The following TMPRSS9 variants were observed in gnomAD, a reference collection of about 807,000 sequenced individuals.
The protein encoded by TMPRSS9 is transmembrane serine protease 9, also known as transmembrane protease serine 9.
In TMPRSS9, 113 loss-of-function variants were observed where a neutral mutation model predicts 111.4. The observed-to-expected ratio is 1.01, with a 90% CI of 0.87 to 1.19. The LOEUF (loss-of-function observed/expected upper bound fraction) is 1.19, where lower values mean the gene tolerates loss of function less well. TMPRSS9 is among the 50% of genes most tolerant of loss of function. The pLI is 0.00. For missense variants in TMPRSS9, 1,803 were observed against 1,513.1 expected (o/e 1.19, Z -3.18); for synonymous variants, 805 against 659.1 (o/e 1.22, Z -3.39).
At chr19:2,414,716 A>C (rs1971182647) in intron 10 of TMPRSS9, among the ~76,000 whole-genome samples, 1 of 151,014 alleles carries the variant, frequency 6.6e-6, no homozygotes, top group South Asian at 2.1e-4. Context: ...CTATACTAAA[A>C]ATTAGCTGGG....
intron 10 of TMPRSS9, 97 bp from the exon 12 acceptor site, chr19:2,415,573 G>T: frequency 8.3e-7 from 1 of 1,199,198 alleles, no homozygotes; most frequent in Non-Finnish European, 1.1e-6. Flanking sequence ...GGCATCTTCA[G>T]GGCCTGGCTG....
At chr19:2,412,970 G>A (rs1035823783) in intron 9 of TMPRSS9, among the ~76,000 whole-genome samples, 2 of 152,106 alleles carry the variant, frequency 1.3e-5, no homozygotes, top group African/African-American at 2.4e-5. Flanking sequence ...GAGGTGGGCA[G>A]ATCACTTAAG....
chr19:2,425,308 G>A (rs1274144516), intron 16 of TMPRSS9, 41 bp downstream of exon 17: 73 of 1,228,546 alleles, frequency 5.9e-5, no homozygotes, highest in South Asian at 1.9e-4. Flanking sequence ...GGCTCGGGGG[G>A]CGGCCGGACG....
rs1970602984 is a variant in TMPRSS9, at chr19:2,391,745, T to TTC, written c.142+1819_142+1820insCT. ...CCCCTGAAAGGAAAGGAAGTCTTTT[T>TTC]TTTTTTTTTTGAGATGGAGTCTCAC... On this transcript the variant is annotated intron_variant, in intron 1 of 17. Transcript: ENST00000648592. Among the ~76,000 whole-genome samples, 8 of 150,608 alleles carry TTC rather than the reference T, an allele frequency of 5.3e-5. No homozygotes were observed. In the South Asian group the frequency reaches 1.7e-3, roughly 32 times the overall value.
chr19:2,407,422 G>A (rs1388602150), intron 7 of TMPRSS9, among the ~76,000 whole-genome samples: 3 of 151,584 alleles, frequency 2.0e-5, no homozygotes, highest in African/African-American at 7.3e-5. Flanking sequence ...AGTTACTTGG[G>A]AGGCTGAGGC....
intron 1 of TMPRSS9, among the ~76,000 whole-genome samples, chr19:2,370,911 G>A (rs1328126768): frequency 6.6e-6 from 1 of 151,972 alleles, no homozygotes; most frequent in East Asian, 1.9e-4. Context: ...GCAGTGAGCC[G>A]AGATCATAAC....
At chr19:2,400,769 T>C (rs897782871) in intron 4 of TMPRSS9, among the ~76,000 whole-genome samples, 2 of 140,144 alleles carry the variant, frequency 1.4e-5, no homozygotes, top group South Asian at 4.6e-4. Context: ...AGGTCAGGAG[T>C]TTGAGACCAG....
chr19:2,403,021 G>A (rs767253594), intron 5 of TMPRSS9, 61 bp from the exon 7 acceptor site: 8 of 1,235,932 alleles, frequency 6.5e-6, no homozygotes, highest in Non-Finnish European at 9.4e-6. Flanking sequence ...ATAGCATGGT[G>A]CCTTACTCCA....
At chr19:2,416,246 A>G (rs919211065) in intron 11 of TMPRSS9, 18 of 471,636 alleles carry the variant, frequency 3.8e-5, no homozygotes, top group Non-Finnish European at 6.0e-5. Flanking sequence ...TCAACAAAAA[A>G]GAGACTCATA....
At chr19:2,395,630 G>A (rs1970689688) in intron 1 of TMPRSS9, among the ~76,000 whole-genome samples, 1 of 152,032 alleles carries the variant, frequency 6.6e-6, no homozygotes, top group African/African-American at 2.4e-5. Flanking sequence ...CAGGAGAATT[G>A]CTTGAACCCG....
intron 1 of TMPRSS9, among the ~76,000 whole-genome samples, chr19:2,380,290 AAAC>A (rs969794665): frequency 3.3e-5 from 5 of 151,752 alleles, no homozygotes; most frequent in Admixed American, 3.3e-4. Context: ...TCTTAAAAAA[AAAC>A]AACAAAAAAA....
At chr19:2,407,474 C>A (rs914687142) in intron 7 of TMPRSS9, among the ~76,000 whole-genome samples, 6 of 151,760 alleles carry the variant, frequency 4.0e-5, no homozygotes, top group African/African-American at 1.5e-4. Flanking sequence ...TTGCAGTGAG[C>A]TGAGATCACG....
chr19:2,393,434 TTCCGAACACA>T (rs1599288580), intron 1 of TMPRSS9, among the ~76,000 whole-genome samples: 1 of 152,158 alleles, frequency 6.6e-6, no homozygotes, highest in Non-Finnish European at 1.5e-5. Flanking sequence ...AAGGAAGAAA[TTCCGAACACA>T]TCCGAACATC....
chr19:2,425,143 G>A (rs1382086254), exon 16 of TMPRSS9: 28 of 1,579,038 alleles, frequency 1.8e-5, no homozygotes, highest in Admixed American at 6.8e-5. Context: ...TGGCGCTGCT[G>A]GAGCTGGCGG....
At chr19:2,410,232 C>G (rs768119852) in intron 8 of TMPRSS9, 26 bp from the exon 10 acceptor site, 110 of 1,612,616 alleles carry the variant, frequency 6.8e-5, no homozygotes, top group Non-Finnish European at 9.1e-5. Flanking sequence ...CACTCTCACC[C>G]TGCTTTTCTC....
chr19:2,403,007 A>T, intron 5 of TMPRSS9, 75 bp from the exon 7 acceptor site: 2 of 1,004,136 alleles, frequency 2.0e-6, no homozygotes, highest in Non-Finnish European at 3.1e-6. Flanking sequence ...TGGTGGTACT[A>T]AGTATAGCAT....
At chr19:2,424,468 C>G (rs527640928) in intron 15 of TMPRSS9, among the ~76,000 whole-genome samples, 1 of 151,290 alleles carries the variant, frequency 6.6e-6, no homozygotes, top group African/African-American at 2.4e-5. Context: ...CTAGCCTGAC[C>G]ACACGGGGCT....
intron 10 of TMPRSS9, 23 bp downstream of exon 11, chr19:2,414,041 G>A: frequency 6.5e-7 from 1 of 1,527,606 alleles, no homozygotes; most frequent in Non-Finnish European, 8.8e-7. Flanking sequence ...CAGAAAGGTA[G>A]AAGATGATGT....
chr19:2,416,299 A>T, intron 11 of TMPRSS9: 1 of 568,328 alleles, frequency 1.8e-6, no homozygotes, highest in Non-Finnish European at 3.1e-6. Flanking sequence ...CAGGTGTAGA[A>T]AATGAAGCCT....
Sources: allele counts gnomAD v4.1 joint callset (sites outside exome capture counted in the v4.1 genomes callset), GRCh38; gene constraint gnomAD v4.1.1; transcripts MANE v1.5; gene names NCBI Gene and HGNC (gene_info 2026-07-23, HGNC 2026-07-21).